Variants in DMD observed in about 807,000 individuals in gnomAD.
DMD encodes dystrophin.
DMD carries 63 observed loss-of-function variants against 330.1 expected under a neutral mutation model. That is an observed-to-expected ratio of 0.19 (90% CI 0.16 to 0.24). The LOEUF (loss-of-function observed/expected upper bound fraction) is 0.24. DMD is among the 10% of genes least tolerant of loss of function. The pLI, the probability that DMD is intolerant of heterozygous loss-of-function variation, is 1.00. For synonymous variants in DMD, 1,223 were observed against 959.8 expected (o/e 1.27, Z -5.07); for missense variants, 3,344 against 2,684.1 (o/e 1.25, Z -5.43).
chrX:32,389,449 T>G, intron 32 of DMD, 52 bp downstream of exon 32: 1 of 1,142,011 alleles, frequency 8.8e-7, no homozygotes, highest in Non-Finnish European at 1.2e-6. Flanking sequence ...CAGTTACTTC[T>G]TAATGAGGAA....
intron 60 of DMD, among the ~76,000 whole-genome samples, chrX:31,392,012 TTATC>T (rs56316554): frequency 0.27 from 30,032 of 111,045 alleles, 3,020 homozygotes; most frequent in East Asian, 0.44. Context: ...TCTCTAGTGA[TTATC>T]TATTTCCACA....
At chrX:33,009,160 ATGTATATATATG>A (rs2093504217) in intron 2 of DMD, among the ~76,000 whole-genome samples, 3 of 42,587 alleles carry the variant, frequency 7.0e-5, no homozygotes, top group African/African-American at 9.8e-5. Context: ...ATACGTATAT[ATGTATATATATG>A]TGTATATATA....
chrX:33,195,732 T>TTGTG (rs71969580), intron 1 of DMD, among the ~76,000 whole-genome samples: 5,766 of 97,569 alleles, frequency 0.059, 325 homozygotes, highest in African/African-American at 0.16. Flanking sequence ...CTGTTCTATT[T>TTGTG]TGTGTGTGTG....
chrX:33,313,599 G>A (rs185401347), intron 1 of DMD, among the ~76,000 whole-genome samples: 355 of 110,492 alleles, frequency 3.2e-3, no homozygotes, highest in Non-Finnish European at 2.2e-3. Flanking sequence ...GTTACCAACT[G>A]AAGAACTGTA....
intron 9 of DMD, among the ~76,000 whole-genome samples, chrX:32,651,219 T>C (rs904311362): frequency 9.1e-6 from 1 of 109,769 alleles, no homozygotes; most frequent in Admixed American, 9.7e-5. Context: ...CTCGGCTCAC[T>C]GCAGCCTCTC....
chrX:32,499,482 G>T (rs2043825836), intron 19 of DMD, among the ~76,000 whole-genome samples: 1 of 111,366 alleles, frequency 9.0e-6, no homozygotes, highest in Admixed American at 9.6e-5. Flanking sequence ...ACTATACGTG[G>T]TTAAGAGGAA....
chrX:31,889,570 T>A (rs749454522), intron 47 of DMD, among the ~76,000 whole-genome samples: 4 of 108,912 alleles, frequency 3.7e-5, no homozygotes, highest in Non-Finnish European at 5.7e-5. Flanking sequence ...GTTTAAACCC[T>A]GAGGACAATA....
Position 32,287,399 on chromosome X carries a change from C to T in DMD, c.6290+130G>A, listed in dbSNP as rs2097446571. The T allele has an allele frequency of 6.8e-6, 4 of 585,276 alleles. No individual in the cohort carries two copies. In the African/African-American group the frequency reaches 9.2e-5, roughly 13 times the overall value. The allele number at this position is 585,276 out of a possible 1,213,427, so 48.2% of individuals were successfully genotyped here. A position where few individuals can be genotyped will look rare whatever the true frequency, so the allele number is the denominator to read the frequency against. On this transcript the variant is annotated intron_variant, in intron 43 of 78. Coordinates refer to ENST00000357033, the MANE Select transcript of DMD (RefSeq NM_004006.3). ...TCATTATTTGTTCTCATTTTACTTACCATTTTTCAATGAGAGTGATACTTC... is the reference window on the plus strand; with the variant it reads ...TCATTATTTGTTCTCATTTTACTTATCATTTTTCAATGAGAGTGATACTTC...
chrX:32,713,307 AC>A (rs1479991225), intron 7 of DMD, among the ~76,000 whole-genome samples: 1 of 111,503 alleles, frequency 9.0e-6, no homozygotes, highest in Non-Finnish European at 1.9e-5. Flanking sequence ...TAAGTGGCTG[AC>A]CCTTTCACAC....
rs191985148 is a variant in DMD, at chrX:32,457,031, G to A, written c.3433-2199C>T. ...CATTTAAAACTATGGAGCTTGATAA[G>A]TTGACCCGGAGAGTGGGTGGTAATA... On this transcript the variant is annotated intron_variant, in intron 25 of 78. Transcript: ENST00000357033. Among the ~76,000 whole-genome samples the A allele has an allele frequency of 6.7e-5, 7 of 103,955 alleles. No individual in the cohort carries two copies. In the Admixed American group the frequency reaches 7.3e-4, roughly 11 times the overall value. The allele number at this position is 103,955 out of a possible 115,157, so 90.3% of individuals were successfully genotyped here.
chrX:32,825,238 G>A (rs779000188), intron 4 of DMD, among the ~76,000 whole-genome samples: 2 of 111,436 alleles, frequency 1.8e-5, no homozygotes, highest in Non-Finnish European at 3.8e-5. Context: ...GGTTGCCATG[G>A]ACCTGACTCT....
intron 43 of DMD, among the ~76,000 whole-genome samples, chrX:32,243,890 T>C (rs756245372): frequency 9.0e-6 from 1 of 111,247 alleles, no homozygotes; most frequent in South Asian, 3.8e-4. Flanking sequence ...TTATATAAAA[T>C]TTTGTTTTCT....
rs987169735 is a variant in DMD at position 32,737,763 on chromosome X, G to T, written c.650-38470C>A. ...GTGCAATTAGGAACTAATGTTAACT[G>T]TCTTCTAATGCGTTACATCAATAGT... On this transcript the variant is annotated intron_variant, in intron 7 of 78. Transcript: ENST00000357033. Among the ~76,000 whole-genome samples, 3 of 111,666 alleles carry T rather than the reference G, an allele frequency of 2.7e-5. No individual in the cohort carries two copies. In the East Asian group the frequency reaches 8.4e-4, roughly 31 times the overall value.
chrX:31,521,279 C>T (rs2072738040), intron 55 of DMD, among the ~76,000 whole-genome samples: 1 of 109,892 alleles, frequency 9.1e-6, no homozygotes. Context: ...TCTCCTGCCT[C>T]AGCCTCCTGA....
At chrX:31,538,176 T>C (rs1260911203) in intron 55 of DMD, among the ~76,000 whole-genome samples, 1 of 112,259 alleles carries the variant, frequency 8.9e-6, no homozygotes, top group Admixed American at 9.5e-5. Context: ...TAACGGGGGC[T>C]GAGAGGATCT....
At chrX:32,847,885 G>A (rs28582200) in intron 3 of DMD, among the ~76,000 whole-genome samples, 14,659 of 111,628 alleles carry the variant, frequency 0.13, 816 homozygotes, top group Admixed American at 0.25. Context: ...TAATTTTGCC[G>A]AAATTAGTGG....
rs191091396 is a variant in DMD at position 33,115,154 on chromosome X, T to A, written c.32-94954A>T. On this transcript the variant is annotated intron_variant, in intron 1 of 78. Transcript: ENST00000357033. ...TTCATGTTTACTACCAAACATCTGTTGAATAAACTACTTAATCCTTACAAA... is the reference window on the plus strand; with the variant it reads ...TTCATGTTTACTACCAAACATCTGTAGAATAAACTACTTAATCCTTACAAA... 6.2e-5 allele frequency among the ~76,000 whole-genome samples: 7 copies of A among 112,248 alleles called. No homozygotes were observed. The East Asian group carries it at 1.7e-3, about 27-fold the overall frequency.
chrX:31,822,653 G>GGTGTGTGT (rs1556919105), intron 49 of DMD, among the ~76,000 whole-genome samples: 3,421 of 65,674 alleles, frequency 0.052, 132 homozygotes, highest in Middle Eastern at 0.095. Context: ...AAGGCAGAGG[G>GGTGTGTGT]GTGTGTGTGT....
At chrX:32,748,768 T>C (rs1361095409) in intron 7 of DMD, among the ~76,000 whole-genome samples, 3 of 112,332 alleles carry the variant, frequency 2.7e-5, no homozygotes, top group Admixed American at 9.4e-5. Flanking sequence ...CAAGAGCTTA[T>C]ACATGTGAAC....
Sources: allele counts gnomAD v4.1 joint callset (sites outside exome capture counted in the v4.1 genomes callset), GRCh38; gene constraint gnomAD v4.1.1; transcripts MANE v1.5; gene names NCBI Gene and HGNC (gene_info 2026-07-23, HGNC 2026-07-21).